Variants in SLC35F1 observed in about 807,000 individuals in gnomAD.
The protein encoded by SLC35F1 is solute carrier family 35 member F1, also known as chromosome 6 open reading frame 169.
Under a neutral mutation model 48.7 loss-of-function variants are expected in SLC35F1, and 14 were observed. The observed-to-expected ratio is 0.29, with a 90% CI of 0.19 to 0.45. The LOEUF (loss-of-function observed/expected upper bound fraction) is 0.45. Ranked by LOEUF, SLC35F1 falls within the 20% of genes least tolerant of loss-of-function variation. The probability of loss-of-function intolerance (pLI) is 1.00; values close to 1 mark genes in which losing one functional copy is unlikely to be tolerated. For missense variants in SLC35F1, 404 were observed against 500.0 expected, an observed-to-expected ratio of 0.81 and a Z score of 1.83; for synonymous variants, 190 against 202.2, an observed-to-expected ratio of 0.94 and a Z score of 0.51.
At chr6:118,150,212 G>C (rs1301531933) in intron 1 of SLC35F1, among the ~76,000 whole-genome samples, 5 of 152,016 alleles carry the variant, frequency 3.3e-5, no homozygotes, top group Admixed American at 1.3e-4. Flanking sequence ...CTAAGCTCAT[G>C]GCTTGGCACA....
At position 118,076,055 on chromosome 6, in the gene SLC35F1, G is replaced by GAA. The variant is rs897145093; in HGVS notation, c.174-78382_174-78381dup. 2.8e-3 allele frequency among the ~76,000 whole-genome samples: 413 copies of GAA among 149,238 alleles called. 2 individuals are homozygous for GAA. The highest frequency in any genetic ancestry group is 9.8e-3 in the African/African-American group (399 of 40,668). On this transcript the variant is annotated intron_variant, in intron 1 of 7. Transcript: ENST00000360388. ...CCAAAAGCTTACTGTGATTCTGCTG[G>GAA]AAAAAAAAACAAAACAGAATTATTT...
At chr6:118,297,892 G>A (rs1457025226) in intron 7 of SLC35F1, among the ~76,000 whole-genome samples, 1 of 151,542 alleles carries the variant, frequency 6.6e-6, no homozygotes, top group Non-Finnish European at 1.5e-5. Flanking sequence ...GGGCCTTGTG[G>A]GAGGTGTTTG....
chr6:118,211,931 C>G (rs1406396392), intron 2 of SLC35F1, among the ~76,000 whole-genome samples: 1 of 152,200 alleles, frequency 6.6e-6, no homozygotes, highest in Non-Finnish European at 1.5e-5. Context: ...ATGTGGTAGA[C>G]ATTAAATATA....
At chr6:117,913,986 T>A (rs950688699) in intron 1 of SLC35F1, among the ~76,000 whole-genome samples, 1 of 151,980 alleles carries the variant, frequency 6.6e-6, no homozygotes, top group East Asian at 1.9e-4. Context: ...AGGAGGCAGA[T>A]GTTGCAGTGA....
chr6:118,202,215 G>A (rs1408513627), intron 2 of SLC35F1, among the ~76,000 whole-genome samples: 1 of 152,134 alleles, frequency 6.6e-6, no homozygotes, highest in Non-Finnish European at 1.5e-5. Flanking sequence ...CTGCACCGGA[G>A]CAGGTGCAGT....
At chr6:117,981,867 C>CT (rs1217655546) in intron 1 of SLC35F1, among the ~76,000 whole-genome samples, 1 of 151,994 alleles carries the variant, frequency 6.6e-6, no homozygotes, top group Non-Finnish European at 1.5e-5. Flanking sequence ...TTTACATTGC[C>CT]TTTTTTTCTT....
At chr6:118,032,108 A>C (rs1005794618) in intron 1 of SLC35F1, among the ~76,000 whole-genome samples, 3 of 152,206 alleles carry the variant, frequency 2.0e-5, no homozygotes, top group South Asian at 2.1e-4. Flanking sequence ...GTATATTAAC[A>C]ATGATGCTTA....
At chr6:117,927,985 G>C (rs1398444111) in intron 1 of SLC35F1, among the ~76,000 whole-genome samples, 3 of 152,142 alleles carry the variant, frequency 2.0e-5, no homozygotes, top group African/African-American at 4.8e-5. Flanking sequence ...TGTGTAAGCA[G>C]CTAATTTTAG....
chr6:118,222,241 G>T (rs566057495), intron 2 of SLC35F1, among the ~76,000 whole-genome samples: 1 of 152,228 alleles, frequency 6.6e-6, no homozygotes, highest in African/African-American at 2.4e-5. Flanking sequence ...TGCTTTTGCT[G>T]CCATTCGACA....
At chr6:118,200,803 A>T (rs1409739348) in intron 2 of SLC35F1, among the ~76,000 whole-genome samples, 1 of 152,174 alleles carries the variant, frequency 6.6e-6, no homozygotes, top group Non-Finnish European at 1.5e-5. Flanking sequence ...AGCACCCAAG[A>T]TGATAAAGAT....
At chr6:117,914,138 CT>C (rs1423794924) in intron 1 of SLC35F1, among the ~76,000 whole-genome samples, 2 of 149,492 alleles carry the variant, frequency 1.3e-5, no homozygotes, top group African/African-American at 5.0e-5. Context: ...ATCTATCTAT[CT>C]GTCTATCCAC....
chr6:118,260,961 A>T, intron 3 of SLC35F1, among the ~76,000 whole-genome samples: 1 of 152,146 alleles, frequency 6.6e-6, no homozygotes, highest in East Asian at 1.9e-4. Flanking sequence ...AATTTATAAA[A>T]CTCTGAAGTT....
At chr6:117,969,716 T>TA (rs35540047) in intron 1 of SLC35F1, among the ~76,000 whole-genome samples, 3 of 151,186 alleles carry the variant, frequency 2.0e-5, no homozygotes, top group South Asian at 4.2e-4. Context: ...CCCTGTTTCT[T>TA]AAAAAAAAAA....
intron 3 of SLC35F1, among the ~76,000 whole-genome samples, chr6:118,237,325 ACACAC>A (rs1775378737): frequency 9.0e-4 from 1 of 1,114 alleles, no homozygotes; most frequent in South Asian, 0.011. Flanking sequence ...TTCTAAGAAA[ACACAC>A]ACACACACAC....
At chr6:118,299,928 G>A (rs1776236576) in intron 7 of SLC35F1, among the ~76,000 whole-genome samples, 1 of 152,154 alleles carries the variant, frequency 6.6e-6, no homozygotes, top group Admixed American at 6.5e-5. Context: ...CCAAAGGGGG[G>A]TCATAATAGT....
At chr6:118,182,406 TGTTTAAGCCCCA>T (rs1327863584) in intron 2 of SLC35F1, among the ~76,000 whole-genome samples, 1 of 151,062 alleles carries the variant, frequency 6.6e-6, no homozygotes, top group Non-Finnish European at 1.5e-5. Context: ...GGAAGGATCT[TGTTTAAGCCCCA>T]GCAATTGAGG....
intron 2 of SLC35F1, among the ~76,000 whole-genome samples, chr6:118,181,954 AGATTTTGAAAGT>A (rs1248159940): frequency 6.6e-6 from 1 of 152,178 alleles, no homozygotes; most frequent in Non-Finnish European, 1.5e-5. Context: ...GCAAAGTGGG[AGATTTTGAAAGT>A]GACTTTCAAT....
At chr6:118,154,202 C>T (rs548165933) in intron 1 of SLC35F1, among the ~76,000 whole-genome samples, 19 of 152,256 alleles carry the variant, frequency 1.2e-4, no homozygotes, top group Non-Finnish European at 1.6e-4. Context: ...TCCAGTTTTG[C>T]CACTTCCTAG....
chr6:118,066,650 G>A lies in SLC35F1; in HGVS notation c.174-87795G>A, dbSNP rs74705664. On this transcript the variant is annotated intron_variant, in intron 1 of 7. Transcript: ENST00000360388. Reference sequence around the variant, plus strand: ...GTTGTTTTAAGCTACTAAATTGGAGGTAATTTGTTTTGCAGCAAGAGAAAG... The same window carrying A: ...GTTGTTTTAAGCTACTAAATTGGAGATAATTTGTTTTGCAGCAAGAGAAAG... Among the ~76,000 whole-genome samples the A allele has an allele frequency of 2.2e-4, 34 of 151,976 alleles. No individual in the cohort carries two copies. In the East Asian group the frequency reaches 6.2e-3, roughly 28 times the overall value.
Sources: gnomAD v4.1 joint callset for allele counts (sites outside exome capture counted in the v4.1 genomes callset) on GRCh38, gnomAD v4.1.1 for gene constraint, MANE v1.5 for transcripts, NCBI Gene and HGNC (gene_info 2026-07-23, HGNC 2026-07-21) for gene names.